Variants in NFATC2IP observed in about 807,000 individuals in gnomAD.
NFATC2IP encodes NFATC2-interacting protein.
NFATC2IP carries 25 observed loss-of-function variants against 40.2 expected under a neutral mutation model. The ratio of observed to expected loss-of-function variants is 0.62; its 90% CI spans 0.45 to 0.87. NFATC2IP has a LOEUF of 0.87. Among genes scored for constraint, NFATC2IP ranks in the 40% least tolerant of loss-of-function variants. The pLI is 0.00. For synonymous variants in NFATC2IP, 241 were observed against 236.3 expected (o/e 1.02, Z -0.18); for missense variants, 553 against 555.6 (o/e 1.00, Z 0.05).
intron 3 of NFATC2IP, among the ~76,000 whole-genome samples, chr16:28,955,119 A>G (rs942913245): frequency 1.3e-5 from 2 of 152,104 alleles, no homozygotes; most frequent in African/African-American, 4.8e-5. Flanking sequence ...GCTTGATCCC[A>G]GGAGTTAGAG....
chr16:28,951,529 T>C lies in NFATC2IP; in HGVS notation c.387+131T>C, dbSNP rs555137459. The stretch of plus-strand genomic sequence containing the variant: ...CGTTCTGGGGCTGGTCCTCGGGCGT[T>C]AGGGTGTTGGAGGCAGGGAGAGGCA... On this transcript the variant is annotated intron_variant, in intron 1 of 7. Coordinates refer to ENST00000320805, the MANE Select transcript of NFATC2IP (RefSeq NM_032815.4). 7.4e-5 allele frequency: 69 copies of C among 937,608 alleles called. 2 individuals carry two copies. In the South Asian group the frequency reaches 2.2e-3, roughly 30 times the overall value. The allele number at this position is 937,608 out of a possible 1,614,324, so 58.1% of individuals were successfully genotyped here.
chr16:28,960,897 A>T (rs1965077853), intron 7 of NFATC2IP, among the ~76,000 whole-genome samples: 1 of 152,180 alleles, frequency 6.6e-6, no homozygotes, highest in Non-Finnish European at 1.5e-5. Context: ...CAATATATGC[A>T]TCCTGTTAAG....
At chr16:28,961,612 G>C (rs992424305) in intron 7 of NFATC2IP, among the ~76,000 whole-genome samples, 8 of 151,844 alleles carry the variant, frequency 5.3e-5, no homozygotes, top group African/African-American at 1.9e-4. Context: ...AAACAAAAAA[G>C]AGACAGGGCC....
chr16:28,962,457 GCATGACTGATTAAAC>G (rs555396302), intron 7 of NFATC2IP, among the ~76,000 whole-genome samples: 2 of 152,096 alleles, frequency 1.3e-5, no homozygotes, highest in South Asian at 4.1e-4. Context: ...TGTTATATAG[GCATGACTGATTAAAC>G]CATGGGCTAT....
At position 28,958,705 on chromosome 16, in the gene NFATC2IP, C is replaced by G. The variant is rs367827228; in HGVS notation, c.847-12C>G. 2 of 1,601,920 alleles carry G rather than the reference C, an allele frequency of 1.2e-6. No individual in the cohort carries two copies. The highest frequency in any genetic ancestry group is 1.7e-6 in the Non-Finnish European group (2 of 1,174,372). ...CAGGAAGACCTCTTTTGCTTGTTGT[C>G]CCCATCCCTAGTCGGAGCCCCTGCA... On this transcript the variant is annotated splice_polypyrimidine_tract_variant and intron_variant, in intron 5 of 7. Transcript: ENST00000320805.
At chr16:28,959,234 C>T in intron 7 of NFATC2IP, 134 bp downstream of exon 7, 1 of 618,838 alleles carries the variant, frequency 1.6e-6, no homozygotes, top group Non-Finnish European at 2.9e-6. Flanking sequence ...TTCTTGGGTT[C>T]CCAGCCATCC....
In NFATC2IP at chr16:28,959,032, T is replaced by C. The variant is rs377045456; in HGVS notation, c.1033T>C (p.Ser345Pro). 9.9e-6 allele frequency: 16 copies of C among 1,613,928 alleles called. No homozygotes were observed. The highest frequency in any genetic ancestry group is 6.7e-5 in the African/African-American group (5 of 74,970). Reference sequence around the variant, plus strand: ...AAGTTCTCCAGAGGCCACAGAGACGTCCCAACAGCTCCAGCTCCGGGTGCA... The same window carrying C: ...AAGTTCTCCAGAGGCCACAGAGACGCCCCAACAGCTCCAGCTCCGGGTGCA... ...LTSSPEATET[S>P]QQLQLRVQGK... Residue 345 changes from serine (S) to proline (P), a missense_variant, in exon 7 of 8, where the codon TCC becomes CCC. Transcript: ENST00000320805.
At chr16:28,956,926 T>C (rs1050718901) in intron 5 of NFATC2IP, 1 of 152,360 alleles carries the variant, frequency 6.6e-6, no homozygotes, top group African/African-American at 2.4e-5. Flanking sequence ...TGATGCACAG[T>C]GCATCAGTCA....
At chr16:28,952,264 G>GCA (rs772197844) in intron 2 of NFATC2IP, 60 bp downstream of exon 2, 1 of 1,608,438 alleles carries the variant, frequency 6.2e-7, no homozygotes, top group Admixed American at 1.7e-5. Context: ...GAGAATTCCT[G>GCA]GGGTTTATAT....
chr16:28,959,130 C>T, intron 7 of NFATC2IP, 30 bp downstream of exon 7: 1 of 1,348,260 alleles, frequency 7.4e-7, no homozygotes, highest in Non-Finnish European at 1.1e-6. Context: ...CTCCACGCCC[C>T]TCACCCTGTC....
Position 28,961,348 on chromosome 16 carries a change from A to T in NFATC2IP, c.1101+2248A>T, listed in dbSNP as rs1052812661. 4.6e-5 allele frequency among the ~76,000 whole-genome samples: 7 copies of T among 151,140 alleles called. No individual in the cohort carries two copies. In the South Asian group the frequency reaches 1.5e-3, roughly 32 times the overall value. ...CTGAAAAAAAAAAAAAAAAAAAAAA[A>T]AAAAAATTATTCCAGCCCTGATCCA... is the stretch of plus-strand genomic sequence containing the variant. On this transcript the variant is annotated intron_variant, in intron 7 of 7. Transcript: ENST00000320805.
In NFATC2IP at chr16:28,961,325, GAAAAAAAAAAAA is replaced by G. The variant is rs138576594; in HGVS notation, c.1101+2243_1101+2254del. ...CCTGGGAGACAGCAAGACCCTATCTGAAAAAAAAAAAAAAAAAAAAAAAAAAAAATTATTCCA... is the reference window on the plus strand; with the variant it reads ...CCTGGGAGACAGCAAGACCCTATCTGAAAAAAAAAAAAAAAAATTATTCCA... On this transcript the variant is annotated intron_variant, in intron 7 of 7. Transcript: ENST00000320805. 9.7e-3 allele frequency among the ~76,000 whole-genome samples: 506 copies of G among 52,278 alleles called. 3 individuals carry two copies. Among genetic ancestry groups the G allele is most frequent in the African/African-American group, 0.036 (463 of 12,692 alleles). 34.3% of individuals were successfully genotyped at this position (52,278 alleles called of 152,430 possible). A position where few individuals can be genotyped will look rare whatever the true frequency, so the allele number is the denominator to read the frequency against.
At chr16:28,951,982 TG>T in intron 1 of NFATC2IP, 149 bp from the exon 2 acceptor site, 1 of 893,754 alleles carries the variant, frequency 1.1e-6, no homozygotes, top group Non-Finnish European at 1.7e-6. Flanking sequence ...CTGGGGAAGC[TG>T]GACTTCTAGG....
At chr16:28,952,032 G>C in intron 1 of NFATC2IP, 100 bp from the exon 2 acceptor site, 1 of 1,527,450 alleles carries the variant, frequency 6.5e-7, no homozygotes. Flanking sequence ...ATCTTAGGGA[G>C]GATTTGGGAG....
chr16:28,966,929 A>G lies in NFATC2IP; in HGVS notation c.*3066A>G, dbSNP rs1309982124. The G allele has an allele frequency of 6.6e-6, 1 of 152,202 alleles. No homozygotes were observed. The highest frequency in any genetic ancestry group is 1.9e-4 in the East Asian group (1 of 5,202). The allele number at this position is 152,202 out of a possible 1,614,324, so 9.4% of individuals were successfully genotyped here. A position where few individuals can be genotyped will look rare whatever the true frequency, so the allele number is the denominator to read the frequency against. The stretch of plus-strand genomic sequence containing the variant: ...AATAAAAGTATGTCAACTTCTTAAA[A>G]TGTTTTATTGAAATGTGGCATTCCT... On this transcript the variant is annotated 3_prime_UTR_variant, in exon 8 of 8. Transcript: ENST00000320805.
At chr16:28,951,500 C>T in intron 1 of NFATC2IP, 102 bp downstream of exon 1, 1 of 1,142,500 alleles carries the variant, frequency 8.8e-7, no homozygotes. Flanking sequence ...GGTGTTGAGG[C>T]TGGCGTTCTG....
intron 7 of NFATC2IP, among the ~76,000 whole-genome samples, chr16:28,963,031 A>G (rs1423112088): frequency 1.3e-5 from 2 of 152,076 alleles, no homozygotes; most frequent in Non-Finnish European, 2.9e-5. Flanking sequence ...AAATACAAAA[A>G]CTTAGCTGGG....
rs770037063 is a variant in NFATC2IP at position 28,955,968 on chromosome 16, G to C, written c.579-10G>C. ...CATTGCCTCCGTCCTGCTGTCTCTT[G>C]CTTCTACAGGGATCTGGACAACTCT... On this transcript the variant is annotated splice_polypyrimidine_tract_variant and intron_variant, in intron 3 of 7. Transcript: ENST00000320805. 1 of 1,609,616 alleles carries C rather than the reference G, an allele frequency of 6.2e-7. No homozygotes were observed. The highest frequency in any genetic ancestry group is 8.5e-7 in the Non-Finnish European group (1 of 1,176,020).
chr16:28,954,454 G>A (rs930167006), intron 2 of NFATC2IP, 111 bp from the exon 3 acceptor site: 13 of 664,196 alleles, frequency 2.0e-5, no homozygotes, highest in Non-Finnish European at 2.1e-5. Context: ...CAGGGGCTCC[G>A]TGGTCTCCTC....
Sources: gnomAD v4.1 joint callset for allele counts (sites outside exome capture counted in the v4.1 genomes callset) on GRCh38, gnomAD v4.1.1 for gene constraint, MANE v1.5 for transcripts, NCBI Gene and HGNC (gene_info 2026-07-23, HGNC 2026-07-21) for gene names.